MTDH: variants seen among roughly 807,000 people sequenced by gnomAD.
MTDH encodes the protein metadherin.
Under a neutral mutation model 72.7 loss-of-function variants are expected in MTDH, and 34 were observed. The ratio of observed to expected loss-of-function variants is 0.47; its 90% CI spans 0.36 to 0.62. The LOEUF is 0.62. Among genes scored for constraint, MTDH ranks in the 20% least tolerant of loss-of-function variants. The pLI is 0.00. For synonymous variants in MTDH, 266 were observed against 268.9 expected (o/e 0.99, Z 0.10); for missense variants, 677 against 699.4 (o/e 0.97, Z 0.36).
chr8:97,670,532 G>A (rs1198816342), intron 2 of MTDH, among the ~76,000 whole-genome samples: 1 of 152,174 alleles, frequency 6.6e-6, no homozygotes, highest in Non-Finnish European at 1.5e-5. Flanking sequence ...GCTAAGTCAC[G>A]AGAATCACTT....
chr8:97,661,918 C>CAG (rs745733469), intron 2 of MTDH, among the ~76,000 whole-genome samples: 1 of 110,306 alleles, frequency 9.1e-6, no homozygotes, highest in East Asian at 2.3e-4. Context: ...GACCCTGTCT[C>CAG]AAAAAAAAAA....
At chr8:97,668,965 A>G (rs944687452) in intron 2 of MTDH, among the ~76,000 whole-genome samples, 7 of 151,950 alleles carry the variant, frequency 4.6e-5, no homozygotes, top group African/African-American at 1.5e-4. Flanking sequence ...ACACTCCCCA[A>G]TCTGAAACAT....
intron 2 of MTDH, among the ~76,000 whole-genome samples, chr8:97,669,495 T>C (rs879791012): frequency 9.2e-5 from 14 of 152,060 alleles, no homozygotes; most frequent in Non-Finnish European, 1.6e-4. Flanking sequence ...AAAAGAAATC[T>C]CGTGTCCATT....
intron 2 of MTDH, among the ~76,000 whole-genome samples, chr8:97,682,273 TATA>T (rs1813162475): frequency 5.4e-4 from 4 of 7,376 alleles, no homozygotes; most frequent in Non-Finnish European, 8.0e-4. Context: ...TATATATATA[TATA>T]TATATTTTTT....
intron 2 of MTDH, among the ~76,000 whole-genome samples, chr8:97,677,216 G>A (rs1209007555): frequency 2.2e-4 from 21 of 97,574 alleles, no homozygotes; most frequent in African/African-American, 8.6e-4. Context: ...AAAAAAGGCC[G>A]GGCGCAGTGG....
At chr8:97,678,923 T>C (rs1812961577) in intron 2 of MTDH, among the ~76,000 whole-genome samples, 2 of 152,290 alleles carry the variant, frequency 1.3e-5, no homozygotes, top group African/African-American at 2.4e-5. Context: ...ACTCATGCAA[T>C]GAAGAGTGTA....
intron 2 of MTDH, among the ~76,000 whole-genome samples, chr8:97,672,833 A>T (rs1812682936): frequency 6.6e-6 from 1 of 152,202 alleles, no homozygotes; most frequent in Non-Finnish European, 1.5e-5. Context: ...CGTTCTTAAG[A>T]GAGGTTTCTT....
chr8:97,695,749 T>C lies in MTDH; in HGVS notation c.1049-4005T>C, dbSNP rs1813811617. Among the ~76,000 whole-genome samples the C allele has an allele frequency of 2.0e-5, 3 of 152,228 alleles. 1 individual carries two copies. The South Asian group carries it at 6.2e-4, about 31-fold the overall frequency. On this transcript the variant is annotated intron_variant, in intron 6 of 11. Coordinates refer to ENST00000336273, the MANE Select transcript of MTDH (RefSeq NM_178812.4). The stretch of plus-strand genomic sequence containing the variant: ...AATCTCTATTCTTCTACATGATAGC[T>C]TTTATGGACATTCAGGCTAGTTATT...
intron 1 of MTDH, among the ~76,000 whole-genome samples, chr8:97,655,812 AAAG>A (rs1811950439): frequency 6.6e-6 from 1 of 152,252 alleles, no homozygotes; most frequent in African/African-American, 2.4e-5. Context: ...AAAATTTTAA[AAAG>A]AAGGGAAAAA....
intron 2 of MTDH, among the ~76,000 whole-genome samples, chr8:97,673,845 C>T (rs778934510): frequency 4.0e-5 from 6 of 148,976 alleles, no homozygotes; most frequent in Non-Finnish European, 8.9e-5. Context: ...CATGGTGGTG[C>T]ATGCTTGTAT....
chr8:97,718,958 A>T (rs1814991419), intron 9 of MTDH, 91 bp from the exon 10 acceptor site: 2 of 1,190,476 alleles, frequency 1.7e-6, no homozygotes, highest in Non-Finnish European at 2.3e-6. Flanking sequence ...CGCCTCCCAG[A>T]GTGCTGGGAT....
rs559401860 is a variant in MTDH, at chr8:97,670,697, C to T, written c.483+9524C>T. 7.2e-5 allele frequency among the ~76,000 whole-genome samples: 11 copies of T among 152,272 alleles called. No homozygotes were observed. In the South Asian group the frequency reaches 2.3e-3, roughly 32 times the overall value. ...AAGAAAAGAGGGTTCAGTTGGCTCA[C>T]AGTACCACAGGCTGTACAGGAAGCA... is the stretch of plus-strand genomic sequence containing the variant. On this transcript the variant is annotated intron_variant, in intron 2 of 11. Coordinates refer to ENST00000336273, the MANE Select transcript of MTDH (RefSeq NM_178812.4).
chr8:97,684,841 G>A (rs530133836), intron 2 of MTDH, among the ~76,000 whole-genome samples: 19 of 152,296 alleles, frequency 1.2e-4, no homozygotes, highest in African/African-American at 3.6e-4. Flanking sequence ...AGGCCAAGGC[G>A]GATCACTTAA....
rs1448615286 is a variant in MTDH at position 97,726,054 on chromosome 8, T to G, written c.*1384T>G. 1 of 152,654 alleles carries G rather than the reference T, an allele frequency of 6.6e-6. No individual in the cohort carries two copies. The highest frequency in any genetic ancestry group is 6.5e-5 in the Admixed American group (1 of 15,272). 9.5% of individuals were successfully genotyped at this position (152,654 alleles called of 1,614,324 possible). ...AGCTGTAACCAATGGTACTGATCTA[T>G]CCATCCAATGTTGTCATTATATTTG... On this transcript the variant is annotated 3_prime_UTR_variant, in exon 12 of 12. Transcript: ENST00000336273.
intron 11 of MTDH, among the ~76,000 whole-genome samples, chr8:97,723,481 C>T (rs372340201): frequency 4.6e-5 from 7 of 151,614 alleles, no homozygotes; most frequent in African/African-American, 9.7e-5. Flanking sequence ...CGGTGGCTCA[C>T]GCCTGTAATC....
At chr8:97,690,915 G>T in intron 5 of MTDH, 37 bp from the exon 6 acceptor site, 1 of 1,446,346 alleles carries the variant, frequency 6.9e-7, no homozygotes, top group Non-Finnish European at 9.6e-7. Flanking sequence ...AAGAAGTCAT[G>T]TACCTGTTTT....
rs745780875 is a variant in MTDH, at chr8:97,722,985, C to G, written c.1628C>G (p.Thr543Arg). Reference sequence around the variant, plus strand: ...CAAGTGCCGCCAATACTACAAGAGACAGATAAATCCAAGTCAAATACCAAG... The same window carrying G: ...CAAGTGCCGCCAATACTACAAGAGAGAGATAAATCCAAGTCAAATACCAAG... ...SSQVPPILQE[T>R]DKSKSNTKQN... The change falls in exon 11 of 12, where the codon ACA (threonine) becomes AGA (arginine). Residue 543 changes from threonine to arginine, a missense_variant. Thr to Arg is a moderately conservative substitution (Grantham distance 71, BLOSUM62 -1). This residue lies in a region of MTDH where 201 missense variants were observed against 204.5 expected (regional missense o/e 0.98). Coordinates refer to ENST00000336273, the MANE Select transcript of MTDH (RefSeq NM_178812.4). 6.2e-7 allele frequency: 1 copy of G among 1,613,970 alleles called. No homozygotes were observed. The highest frequency in any genetic ancestry group is 1.3e-5 in the African/African-American group (1 of 74,930).
intron 1 of MTDH, among the ~76,000 whole-genome samples, chr8:97,654,485 ACTGT>A (rs1343848397): frequency 8.6e-5 from 13 of 151,986 alleles, no homozygotes; most frequent in Non-Finnish European, 1.8e-4. Context: ...TATTGTTAAG[ACTGT>A]CTTATAGTCT....
At chr8:97,653,268 A>G (rs1390474450) in intron 1 of MTDH, among the ~76,000 whole-genome samples, 2 of 152,266 alleles carry the variant, frequency 1.3e-5, no homozygotes, top group Non-Finnish European at 2.9e-5. Flanking sequence ...GGAGTTTAAA[A>G]GGCAAAACAA....
Sources: allele counts gnomAD v4.1 joint callset (sites outside exome capture counted in the v4.1 genomes callset), GRCh38; gene constraint gnomAD v4.1.1; regional missense constraint gnomAD v4.1.1; transcripts MANE v1.5; gene names NCBI Gene and HGNC (gene_info 2026-07-23, HGNC 2026-07-21).